The following ADAMTSL3 variants were observed in gnomAD, a reference collection of about 807,000 sequenced individuals.
The protein encoded by ADAMTSL3 is ADAMTS like 3.
ADAMTSL3 carries 128 observed loss-of-function variants against 201.7 expected under a neutral mutation model. The ratio of observed to expected loss-of-function variants is 0.63; its 90% CI spans 0.55 to 0.73. The LOEUF is 0.73. Ranked by LOEUF, ADAMTSL3 falls within the 30% of genes least tolerant of loss-of-function variation. ADAMTSL3 has a pLI of 0.00. For missense variants in ADAMTSL3, 1,990 were observed against 2,119.6 expected (o/e 0.94, Z 1.20); for synonymous variants, 738 against 748.4 (o/e 0.99, Z 0.23).
At chr15:83,745,252 A>G (rs2062526482) in intron 3 of ADAMTSL3, among the ~76,000 whole-genome samples, 1 of 152,122 alleles carries the variant, frequency 6.6e-6, no homozygotes, top group Non-Finnish European at 1.5e-5. Flanking sequence ...GTCGGCAATA[A>G]AATCCTCCAC....
chr15:83,699,154 C>G (rs926489948), intron 2 of ADAMTSL3, among the ~76,000 whole-genome samples: 7 of 151,916 alleles, frequency 4.6e-5, no homozygotes, highest in Admixed American at 3.9e-4. Flanking sequence ...GTGATGACTT[C>G]CAAATCCCTA....
chr15:83,865,495 A>C (rs1419977021), intron 8 of ADAMTSL3, among the ~76,000 whole-genome samples: 1 of 152,200 alleles, frequency 6.6e-6, no homozygotes, highest in East Asian at 1.9e-4. Flanking sequence ...CAAACCCGAC[A>C]AAAACAAGAA....
chr15:83,834,294 G>A (rs1040171709), intron 6 of ADAMTSL3, among the ~76,000 whole-genome samples: 1 of 152,178 alleles, frequency 6.6e-6, no homozygotes, highest in Non-Finnish European at 1.5e-5. Flanking sequence ...ATTGGCCAAA[G>A]TTAGTTAATG....
At chr15:83,755,105 G>A (rs1361692305) in intron 3 of ADAMTSL3, among the ~76,000 whole-genome samples, 1 of 152,022 alleles carries the variant, frequency 6.6e-6, no homozygotes, top group African/African-American at 2.4e-5. Flanking sequence ...TTATAATCCT[G>A]TTGTAAAAAT....
At chr15:83,723,544 A>G (rs183722634) in intron 3 of ADAMTSL3, among the ~76,000 whole-genome samples, 41 of 152,316 alleles carry the variant, frequency 2.7e-4, no homozygotes, top group African/African-American at 9.9e-4. Context: ...GAAACAATCT[A>G]AATGTTAAAC....
At chr15:83,835,642 C>G (rs1027739525) in intron 6 of ADAMTSL3, among the ~76,000 whole-genome samples, 6 of 152,164 alleles carry the variant, frequency 3.9e-5, no homozygotes, top group Non-Finnish European at 7.3e-5. Context: ...GGCCCAGGAG[C>G]AGTGTTTCTA....
At chr15:83,692,861 T>C (rs929138224) in intron 2 of ADAMTSL3, among the ~76,000 whole-genome samples, 8 of 152,148 alleles carry the variant, frequency 5.3e-5, no homozygotes, top group African/African-American at 9.7e-5. Flanking sequence ...AGCACATTTC[T>C]GTCTTTTTCT....
chr15:84,016,585 C>G (rs903438386), intron 25 of ADAMTSL3, 86 bp downstream of exon 25: 3 of 1,147,438 alleles, frequency 2.6e-6, no homozygotes, highest in Non-Finnish European at 3.8e-6. Flanking sequence ...CTGTATTTTT[C>G]ACTTTGCAAT....
intron 23 of ADAMTSL3, among the ~76,000 whole-genome samples, chr15:84,000,142 A>T (rs1419913728): frequency 6.6e-6 from 1 of 152,096 alleles, no homozygotes; most frequent in South Asian, 2.1e-4. Context: ...CTTAAAAAGA[A>T]ATCTAAGATT....
At chr15:83,972,402 T>C (rs1307680920) in intron 20 of ADAMTSL3, among the ~76,000 whole-genome samples, 2 of 152,334 alleles carry the variant, frequency 1.3e-5, no homozygotes, top group South Asian at 2.1e-4. Flanking sequence ...AAGTTGCCTC[T>C]CTATCTGATT....
chr15:83,745,985 T>TGCC (rs879924087), intron 3 of ADAMTSL3, among the ~76,000 whole-genome samples: 19 of 152,222 alleles, frequency 1.2e-4, no homozygotes, highest in Non-Finnish European at 2.6e-4. Context: ...GCAGGGAACA[T>TGCC]AATGCCATGC....
chr15:83,874,469 C>T (rs368896581), intron 9 of ADAMTSL3, among the ~76,000 whole-genome samples: 1 of 144,062 alleles, frequency 6.9e-6, no homozygotes, highest in South Asian at 2.2e-4. Flanking sequence ...TCCTGACTGG[C>T]CAGGGGGTGA....
At chr15:83,847,779 GC>G (rs531273205) in intron 7 of ADAMTSL3, among the ~76,000 whole-genome samples, 1 of 152,178 alleles carries the variant, frequency 6.6e-6, no homozygotes, top group Non-Finnish European at 1.5e-5. Flanking sequence ...ACAGGTGTGA[GC>G]CACCATGCCC....
intron 19 of ADAMTSL3, among the ~76,000 whole-genome samples, chr15:83,948,684 G>A (rs943570840): frequency 5.9e-5 from 9 of 152,048 alleles, no homozygotes; most frequent in Non-Finnish European, 1.0e-4. Context: ...GGTCTTGATC[G>A]AAGGTTGTTG....
intron 3 of ADAMTSL3, among the ~76,000 whole-genome samples, chr15:83,732,713 G>A (rs1391120719): frequency 1.3e-5 from 2 of 152,060 alleles, no homozygotes; most frequent in African/African-American, 4.8e-5. Flanking sequence ...CATGGAAATG[G>A]AATTTATTGA....
chr15:83,898,760 A>C (rs2065666799), intron 14 of ADAMTSL3, among the ~76,000 whole-genome samples: 1 of 152,140 alleles, frequency 6.6e-6, no homozygotes, highest in African/African-American at 2.4e-5. Context: ...GATTATTCCC[A>C]ACTATTAGTA....
chr15:83,768,157 G>A (rs1461654981), intron 3 of ADAMTSL3, among the ~76,000 whole-genome samples: 1 of 152,152 alleles, frequency 6.6e-6, no homozygotes, highest in African/African-American at 2.4e-5. Flanking sequence ...TTTTTGAAGA[G>A]GAAAAACAAT....
intron 2 of ADAMTSL3, among the ~76,000 whole-genome samples, chr15:83,676,069 C>T (rs1210049703): frequency 4.7e-5 from 7 of 150,442 alleles, no homozygotes; most frequent in African/African-American, 1.7e-4. Context: ...TTATACATTT[C>T]CTCTGTTGTT....
chr15:83,669,406 A>AGTACTGAG (rs2061293224), intron 2 of ADAMTSL3, among the ~76,000 whole-genome samples: 1 of 145,638 alleles, frequency 6.9e-6, no homozygotes, highest in Non-Finnish European at 1.5e-5. Context: ...GGCCTCCCAA[A>AGTACTGAG]GTACTGAGAT....
Sources: allele counts gnomAD v4.1 joint callset (sites outside exome capture counted in the v4.1 genomes callset), GRCh38; gene constraint gnomAD v4.1.1; transcripts MANE v1.5; gene names NCBI Gene and HGNC (gene_info 2026-07-23, HGNC 2026-07-21).